Variants in SHISAL1 observed in about 807,000 individuals in gnomAD.
SHISAL1 encodes shisa like 1.
In SHISAL1, 9 loss-of-function variants were observed where a neutral mutation model predicts 22.6. The ratio of observed to expected loss-of-function variants is 0.40; its 90% confidence interval spans 0.24 to 0.70. SHISAL1 has a LOEUF of 0.70. SHISAL1 is among the 30% of genes least tolerant of loss of function. The probability of loss-of-function intolerance (pLI) is 0.39; values close to 1 mark genes in which losing one functional copy is unlikely to be tolerated. For missense variants in SHISAL1, 246 were observed against 270.6 expected (o/e 0.91, Z 0.64); for synonymous variants, 119 against 115.4 (o/e 1.03, Z -0.20).
chr22:44,299,105 G>A (rs2055408053), intron 2 of SHISAL1, among the ~76,000 whole-genome samples: 1 of 152,222 alleles, frequency 6.6e-6, no homozygotes, highest in Non-Finnish European at 1.5e-5. Context: ...TAGAGAAAGA[G>A]GCTGTGTGTG....
intron 1 of SHISAL1, among the ~76,000 whole-genome samples, chr22:44,303,282 T>C (rs144180003): frequency 2.0e-3 from 303 of 152,174 alleles, no homozygotes; most frequent in African/African-American, 6.5e-3. Context: ...AATTCACATG[T>C]TGAAGTCCTA....
chr22:44,249,436 A>T lies in SHISAL1; in HGVS notation c.*249T>A. 1 of 462,358 alleles carries T rather than the reference A, an allele frequency of 2.2e-6. No homozygotes were observed. The allele number at this position is 462,358 out of a possible 1,614,324, so 28.6% of individuals were successfully genotyped here. ...CACCTCTCAGAAGCCACCAGCCCAA[A>T]ATAGGACTATTGCTTGCGGACAGGT... is the stretch of plus-strand genomic sequence containing the variant. On this transcript the variant is annotated 3_prime_UTR_variant, in exon 5 of 5. Transcript: ENST00000381176.
At chr22:44,304,391 G>C (rs1031345331) in intron 1 of SHISAL1, among the ~76,000 whole-genome samples, 1 of 152,250 alleles carries the variant, frequency 6.6e-6, no homozygotes, top group Admixed American at 6.5e-5. Flanking sequence ...GGGCATCGTG[G>C]CGGGAGCTGG....
At chr22:44,258,559 A>G (rs2055100221) in intron 4 of SHISAL1, among the ~76,000 whole-genome samples, 1 of 152,080 alleles carries the variant, frequency 6.6e-6, no homozygotes, top group African/African-American at 2.4e-5. Context: ...TATAAGTGAG[A>G]GCATGTGGTA....
At chr22:44,314,714 C>A (rs1054698085), upstream of SHISAL1, among the ~76,000 whole-genome samples, 1 of 152,078 alleles carries the variant, frequency 6.6e-6, no homozygotes, top group East Asian at 1.9e-4. Context: ...CATCCCCTCT[C>A]GGCCGAGGGG....
chr22:44,269,314 C>T (rs1243774841), intron 4 of SHISAL1, among the ~76,000 whole-genome samples: 1 of 131,458 alleles, frequency 7.6e-6, no homozygotes, highest in Non-Finnish European at 1.6e-5. Flanking sequence ...CCATACTGCA[C>T]AGACACCCAC....
chr22:44,326,064 G>A, the SHISAL1 span, among the ~76,000 whole-genome samples: 1 of 151,862 alleles, frequency 6.6e-6, no homozygotes. Context: ...CTTGGTAGAC[G>A]CTCCAGAAAT....
At position 44,245,937 on chromosome 22, in the gene SHISAL1, G is replaced by A. The variant is rs2054996694; in HGVS notation, c.*3748C>T. On this transcript the variant is annotated 3_prime_UTR_variant, in exon 5 of 5. Transcript: ENST00000381176. ...CCTACTTGCTGCTTTCTAGAGCATT[G>A]GAGACAGCAAGAGGGACCAGATCTA... is the stretch of plus-strand genomic sequence containing the variant. 1 of 152,250 alleles carries A rather than the reference G, an allele frequency of 6.6e-6. No individual in the cohort carries two copies. The highest frequency in any genetic ancestry group is 1.9e-4 in the East Asian group (1 of 5,202). 9.4% of individuals were successfully genotyped at this position (152,250 alleles called of 1,614,324 possible).
At chr22:44,284,897 G>GCCTT (rs56376829) in intron 4 of SHISAL1, among the ~76,000 whole-genome samples, 28,598 of 134,536 alleles carry the variant, frequency 0.21, 3,049 homozygotes, top group Middle Eastern at 0.24. Context: ...CTGCCTTCCT[G>GCCTT]CCTTCCTTCC....
At chr22:44,303,146 A>C (rs1284722968) in intron 1 of SHISAL1, among the ~76,000 whole-genome samples, 1 of 152,080 alleles carries the variant, frequency 6.6e-6, no homozygotes, top group Non-Finnish European at 1.5e-5. Flanking sequence ...GGAGCAGTAG[A>C]GATGAGAGAT....
At position 44,292,709 on chromosome 22, in the gene SHISAL1, G is replaced by C. The variant is rs185927271; in HGVS notation, c.281+3963C>G. Among the ~76,000 whole-genome samples the C allele has an allele frequency of 1.1e-4, 16 of 152,180 alleles. 1 individual carries two copies. In the East Asian group the frequency reaches 2.9e-3, roughly 28 times the overall value. ...GCTCCCCAAGGCTCATCCTCAAGTCGTCGTCTGCCGCTGGGCCAGCCCCGC... is the reference window on the plus strand; with the variant it reads ...GCTCCCCAAGGCTCATCCTCAAGTCCTCGTCTGCCGCTGGGCCAGCCCCGC... On this transcript the variant is annotated intron_variant, in intron 3 of 4. Transcript: ENST00000381176.
intron 4 of SHISAL1, among the ~76,000 whole-genome samples, chr22:44,271,917 C>T (rs1347375828): frequency 6.6e-6 from 1 of 152,232 alleles, no homozygotes; most frequent in African/African-American, 2.4e-5. Flanking sequence ...TCGCCTGGGC[C>T]TTTGTGGAAG....
intron 4 of SHISAL1, among the ~76,000 whole-genome samples, chr22:44,278,043 T>C (rs563818012): frequency 4.9e-4 from 75 of 152,308 alleles, no homozygotes; most frequent in South Asian, 2.1e-3. Context: ...GTATTGATCC[T>C]GGGTGTGTCT....
chr22:44,266,331 T>C (rs1353050446), intron 4 of SHISAL1, among the ~76,000 whole-genome samples: 1 of 151,514 alleles, frequency 6.6e-6, no homozygotes, highest in East Asian at 1.9e-4. Flanking sequence ...AATATCTTGA[T>C]GGGCCACCTA....
intron 3 of SHISAL1, 36 bp downstream of exon 3, chr22:44,296,636 G>A (rs372224558): frequency 2.0e-5 from 32 of 1,594,834 alleles, no homozygotes; most frequent in Non-Finnish European, 2.3e-5. Flanking sequence ...CCTGGGGCCC[G>A]AGGCAGTGGG....
intron 4 of SHISAL1, 54 bp downstream of exon 4, chr22:44,285,374 G>T: frequency 1.3e-6 from 2 of 1,559,262 alleles, no homozygotes; most frequent in Non-Finnish European, 1.8e-6. Context: ...TATTCTCCAA[G>T]CTCTCCAAAG....
chr22:44,276,026 C>T (rs181399325), intron 4 of SHISAL1, among the ~76,000 whole-genome samples: 1 of 152,344 alleles, frequency 6.6e-6, no homozygotes, highest in East Asian at 1.9e-4. Context: ...AACACCAATC[C>T]CAACTCTCCC....
intron 1 of SHISAL1, among the ~76,000 whole-genome samples, chr22:44,307,879 G>C (rs1215065663): frequency 6.6e-6 from 1 of 152,202 alleles, no homozygotes; most frequent in African/African-American, 2.4e-5. Context: ...AGGATGGCCT[G>C]CGGGGAGGGG....
the SHISAL1 span, among the ~76,000 whole-genome samples, chr22:44,320,104 G>A: frequency 1.3e-5 from 2 of 152,142 alleles, no homozygotes; most frequent in Non-Finnish European, 2.9e-5. Flanking sequence ...CACCTACTAT[G>A]TGCCAGCCCT....
Sources: allele counts gnomAD v4.1 joint callset (sites outside exome capture counted in the v4.1 genomes callset), GRCh38; gene constraint gnomAD v4.1.1; transcripts MANE v1.5; gene names NCBI Gene and HGNC (gene_info 2026-07-23, HGNC 2026-07-21).